Variants in GON4L observed in about 807,000 individuals in gnomAD.
GON4L encodes the protein gon-4 like.
A neutral mutation model predicts 211.8 loss-of-function variants in GON4L; 87 were observed. The observed-to-expected ratio is 0.41, with a 90% CI of 0.35 to 0.49. The LOEUF is 0.49. Among genes scored for constraint, GON4L ranks in the 20% least tolerant of loss-of-function variants. The probability of loss-of-function intolerance (pLI) is 0.15; values close to 1 mark genes in which losing one functional copy is unlikely to be tolerated. For missense variants in GON4L, 2,155 were observed against 2,659.5 expected (o/e 0.81, Z 4.17); for synonymous variants, 875 against 962.6 (o/e 0.91, Z 1.68).
chr1:155,837,310 A>G (rs181943997), intron 2 of GON4L, among the ~76,000 whole-genome samples: 1 of 152,174 alleles, frequency 6.6e-6, no homozygotes, highest in African/African-American at 2.4e-5. Flanking sequence ...CCGCCTGAAC[A>G]CTTTTTTTGG....
chr1:155,785,717 G>C (rs1287964330), intron 12 of GON4L, among the ~76,000 whole-genome samples: 1 of 152,156 alleles, frequency 6.6e-6, no homozygotes, highest in African/African-American at 2.4e-5. Flanking sequence ...CTGAGCTCAA[G>C]TGATCAGCCC....
At chr1:155,748,425 C>G (rs1571595627), downstream of GON4L, 8 of 1,610,990 alleles carry the variant, frequency 5.0e-6, no homozygotes, top group South Asian at 7.7e-5. Context: ...CACTGCAGTG[C>G]CATCCTGGCT....
At chr1:155,766,746 C>A in intron 20 of GON4L, 37 bp from the exon 21 acceptor site, 1 of 1,612,780 alleles carries the variant, frequency 6.2e-7, no homozygotes, top group South Asian at 1.1e-5. Context: ...CAGCATATGT[C>A]AGAATTTGGG....
chr1:155,827,144 T>C, intron 2 of GON4L, 116 bp from the exon 3 acceptor site: 5 of 774,302 alleles, frequency 6.5e-6, no homozygotes, highest in Non-Finnish European at 9.1e-6. Flanking sequence ...ATTAAGCATA[T>C]ACTATATAGG....
chr1:155,790,563 ATT>A, intron 12 of GON4L, among the ~76,000 whole-genome samples: 1 of 150,974 alleles, frequency 6.6e-6, no homozygotes, highest in East Asian at 1.9e-4. Flanking sequence ...TTGCTGTTGC[ATT>A]TTTTTTTCTC....
At chr1:155,815,179 C>A (rs1668128979) in intron 8 of GON4L, among the ~76,000 whole-genome samples, 1 of 152,032 alleles carries the variant, frequency 6.6e-6, no homozygotes, top group Non-Finnish European at 1.5e-5. Flanking sequence ...AGGCCTTGGT[C>A]TAAAATCCTT....
intron 12 of GON4L, among the ~76,000 whole-genome samples, chr1:155,787,670 G>C (rs529383702): frequency 6.6e-6 from 1 of 152,290 alleles, no homozygotes; most frequent in South Asian, 2.1e-4. Context: ...CTACTCGGGA[G>C]GCTGAAGCAG....
intron 24 of GON4L, among the ~76,000 whole-genome samples, chr1:155,759,443 G>A (rs980825103): frequency 1.5e-4 from 23 of 152,120 alleles, no homozygotes; most frequent in African/African-American, 5.1e-4. Flanking sequence ...TGGTGGTGGC[G>A]CATGCCTGTA....
chr1:155,787,706 G>A (rs1395375933), intron 12 of GON4L, among the ~76,000 whole-genome samples: 2 of 152,144 alleles, frequency 1.3e-5, no homozygotes, highest in Admixed American at 1.3e-4. Flanking sequence ...CCAGGAGGTG[G>A]AGGTTGCACT....
intron 10 of GON4L, among the ~76,000 whole-genome samples, chr1:155,808,673 C>T (rs1432563151): frequency 6.6e-6 from 1 of 151,916 alleles, no homozygotes; most frequent in African/African-American, 2.4e-5. Context: ...GTGGCCCAGG[C>T]TAGAGTGCTG....
intron 1 of GON4L, 138 bp from the exon 2 acceptor site, chr1:155,853,944 G>T (rs1672037849): frequency 1.5e-6 from 1 of 653,606 alleles, no homozygotes; most frequent in Admixed American, 2.5e-5. Context: ...TTAGGTGGAA[G>T]TTGAGAGACA....
At chr1:155,767,879 T>G (rs1662700123) in intron 19 of GON4L, among the ~76,000 whole-genome samples, 1 of 152,202 alleles carries the variant, frequency 6.6e-6, no homozygotes, top group Non-Finnish European at 1.5e-5. Flanking sequence ...TAAGATTTGT[T>G]CTTGATCAAC....
chr1:155,775,794 A>G lies in GON4L; in HGVS notation c.2178+601T>C, dbSNP rs138361336. Among the ~76,000 whole-genome samples the G allele has an allele frequency of 3.8e-3, 578 of 151,722 alleles. 3 individuals are homozygous for G. Among genetic ancestry groups the G allele is most frequent in the Middle Eastern group, 0.034 (10 of 294 alleles). On this transcript the variant is annotated intron_variant, in intron 16 of 31. Transcript: ENST00000368331. The stretch of plus-strand genomic sequence containing the variant: ...ACTATTACTTTTATTTTATTTATTT[A>G]TTTATTTTGAGACTGGGTCTCACTC...
intron 2 of GON4L, among the ~76,000 whole-genome samples, chr1:155,852,280 C>T (rs1671868055): frequency 6.6e-6 from 1 of 152,116 alleles, no homozygotes; most frequent in African/African-American, 2.4e-5. Context: ...GTGCCCATAC[C>T]ACTTTCTGTT....
intron 12 of GON4L, among the ~76,000 whole-genome samples, chr1:155,791,737 G>T (rs536522186): frequency 2.0e-5 from 3 of 151,502 alleles, no homozygotes; most frequent in Middle Eastern, 3.4e-3. Flanking sequence ...GCGTGGTGGC[G>T]GGCACCTGTA....
chr1:155,757,631 G>A (rs1471566997), intron 25 of GON4L, among the ~76,000 whole-genome samples: 7 of 144,720 alleles, frequency 4.8e-5, no homozygotes, highest in East Asian at 2.1e-4. Flanking sequence ...AACCTCCTTC[G>A]CTGAACATCC....
At chr1:155,779,716 T>C (rs1025282039) in intron 14 of GON4L, among the ~76,000 whole-genome samples, 1 of 152,220 alleles carries the variant, frequency 6.6e-6, no homozygotes, top group Non-Finnish European at 1.5e-5. Context: ...TTTTGAATTT[T>C]TGCTTCAGCC....
chr1:155,757,543 T>C (rs1225786440), intron 25 of GON4L, among the ~76,000 whole-genome samples: 2 of 151,722 alleles, frequency 1.3e-5, no homozygotes, highest in Non-Finnish European at 2.9e-5. Flanking sequence ...GATTCCACTC[T>C]CCACTCCACC....
At chr1:155,842,110 C>T (rs539045624) in intron 2 of GON4L, among the ~76,000 whole-genome samples, 1 of 152,120 alleles carries the variant, frequency 6.6e-6, no homozygotes, top group East Asian at 1.9e-4. Flanking sequence ...ACCTTCCCCC[C>T]GCTCCCCTTT....
Sources: allele counts gnomAD v4.1 joint callset (sites outside exome capture counted in the v4.1 genomes callset), GRCh38; gene constraint gnomAD v4.1.1; transcripts MANE v1.5; gene names NCBI Gene and HGNC (gene_info 2026-07-23, HGNC 2026-07-21).